The following DUSP16 variants were observed in gnomAD, a reference collection of about 807,000 sequenced individuals.
DUSP16 encodes dual specificity protein phosphatase 16.
DUSP16 carries 21 observed loss-of-function variants against 58.3 expected under a neutral mutation model. The ratio of observed to expected loss-of-function variants is 0.36; its 90% CI spans 0.26 to 0.52. DUSP16 has a LOEUF of 0.52. Among genes scored for constraint, DUSP16 ranks in the 20% least tolerant of loss-of-function variants. The probability of loss-of-function intolerance (pLI) is 0.94; values close to 1 mark genes in which losing one functional copy is unlikely to be tolerated. For missense variants in DUSP16, 726 were observed against 819.0 expected (o/e 0.89, Z 1.39); for synonymous variants, 320 against 323.8 (o/e 0.99, Z 0.12).
At position 12,502,342 on chromosome 12, in the gene DUSP16, T is replaced by C. The variant is rs1244905878; in HGVS notation, c.368-1660A>G. On this transcript the variant is annotated intron_variant, in intron 3 of 6. Transcript: ENST00000298573. ...GTAGGCAGTTGACAACTATGCCACC[T>C]GCAGAATGTAAAAAGAGTGGCCTGG... Among the ~76,000 whole-genome samples the C allele has an allele frequency of 2.0e-5, 3 of 152,222 alleles. 1 individual carries two copies.
At chr12:12,544,746 T>A (rs993222771) in intron 1 of DUSP16, among the ~76,000 whole-genome samples, 1 of 151,914 alleles carries the variant, frequency 6.6e-6, no homozygotes, top group Admixed American at 6.6e-5. Context: ...GAAGCTTTAG[T>A]TTTTTTTAAC....
chr12:12,483,233 A>G, intron 5 of DUSP16, among the ~76,000 whole-genome samples: 1 of 152,178 alleles, frequency 6.6e-6, no homozygotes, highest in East Asian at 1.9e-4. Context: ...TAATACTAAG[A>G]GGTGTTACAG....
chr12:12,523,736 T>G (rs765838827), intron 1 of DUSP16, among the ~76,000 whole-genome samples: 3 of 152,226 alleles, frequency 2.0e-5, no homozygotes, highest in African/African-American at 4.8e-5. Context: ...AGGTTCTGCC[T>G]GCTCAGTGAC....
At chr12:12,518,976 G>A (rs887952949) in intron 3 of DUSP16, among the ~76,000 whole-genome samples, 1 of 152,206 alleles carries the variant, frequency 6.6e-6, no homozygotes, top group Non-Finnish European at 1.5e-5. Flanking sequence ...TAATCTTAAT[G>A]TTTTGTTTTT....
At position 12,476,911 on chromosome 12, in the gene DUSP16, G is replaced by A; in HGVS notation, c.1920C>T (p.Asn640=). ...MEFGESIMSE[N]RSREELGKVG... is the part of the protein sequence containing the mutation. ...CTTTCCCCAGCTCTTCCCGTGACCT[G>A]TTCTCTGACATGATGCTCTCTCCAA... Residue 640 remains asparagine (N), a synonymous_variant, in exon 7 of 7, where the codon AAC becomes AAT. Coordinates refer to ENST00000298573, the MANE Select transcript of DUSP16 (RefSeq NM_030640.3). 1 of 1,613,922 alleles carries A rather than the reference G, an allele frequency of 6.2e-7. No homozygotes were observed. The highest frequency in any genetic ancestry group is 8.5e-7 in the Non-Finnish European group (1 of 1,180,042).
chr12:12,504,691 T>TAAAA lies in DUSP16; in HGVS notation c.368-4013_368-4010dup, dbSNP rs57833371. Among the ~76,000 whole-genome samples the TAAAA allele has an allele frequency of 7.6e-5, 9 of 119,122 alleles. No individual in the cohort carries two copies. In the Admixed American group the frequency reaches 8.2e-4, roughly 11 times the overall value. 78.1% of individuals were successfully genotyped at this position (119,122 alleles called of 152,430 possible). A position where few individuals can be genotyped will look rare whatever the true frequency, so the allele number is the denominator to read the frequency against. ...CAACATGGATAAACCCAATCTCTGT[T>TAAAA]AAAAAAAAAAAAAAAAAAAAAGAAA... is the stretch of plus-strand genomic sequence containing the variant. On this transcript the variant is annotated intron_variant, in intron 3 of 6. Transcript: ENST00000298573.
At chr12:12,530,326 G>A (rs979887540) in intron 1 of DUSP16, among the ~76,000 whole-genome samples, 2 of 152,124 alleles carry the variant, frequency 1.3e-5, no homozygotes, top group African/African-American at 4.8e-5. Flanking sequence ...AAAATGTCAG[G>A]TCTTTCACCC....
intron 1 of DUSP16, among the ~76,000 whole-genome samples, chr12:12,554,219 A>AAAG (rs1944775868): frequency 6.8e-6 from 1 of 147,170 alleles, no homozygotes; most frequent in Non-Finnish European, 1.5e-5. Context: ...AAAAAAAAAA[A>AAAG]GCCAAGTGCA....
chr12:12,488,255 T>C (rs1943712544), intron 4 of DUSP16, among the ~76,000 whole-genome samples: 1 of 118,818 alleles, frequency 8.4e-6, no homozygotes, highest in Admixed American at 8.7e-5. Flanking sequence ...TTCCCACTTT[T>C]CCTACTTTAA....
chr12:12,517,903 C>A (rs116531962), intron 3 of DUSP16, among the ~76,000 whole-genome samples: 1 of 152,218 alleles, frequency 6.6e-6, no homozygotes, highest in Non-Finnish European at 1.5e-5. Flanking sequence ...TGTCACACCA[C>A]GTGTCCCTAG....
intron 1 of DUSP16, among the ~76,000 whole-genome samples, chr12:12,552,530 T>G (rs1176655221): frequency 6.6e-6 from 1 of 152,208 alleles, no homozygotes; most frequent in Non-Finnish European, 1.5e-5. Flanking sequence ...GAAAAGACTA[T>G]GAAAATACCC....
intron 1 of DUSP16, among the ~76,000 whole-genome samples, chr12:12,525,142 T>C (rs1011104216): frequency 6.6e-6 from 1 of 152,256 alleles, no homozygotes; most frequent in African/African-American, 2.4e-5. Context: ...GTCTTGCATC[T>C]TGCTTTTTCT....
intron 1 of DUSP16, among the ~76,000 whole-genome samples, chr12:12,536,086 G>A (rs1944458152): frequency 6.6e-6 from 1 of 152,202 alleles, no homozygotes; most frequent in Admixed American, 6.5e-5. Flanking sequence ...TAGATTTAAG[G>A]AGACTGACTG....
rs761079204 is a variant in DUSP16 at position 12,477,763 on chromosome 12, A to G, written c.1068T>C (p.His356=). The change falls in exon 7 of 7, where the codon CAT becomes CAC. Residue 356 remains histidine (H), a synonymous_variant. Transcript: ENST00000298573. This position sits in a 1 kb window ranked among gnomAD's most constrained non-coding sequence, Gnocchi z 4.1. ...TGGGCACGCTGGGCACGCTGGCGGG[A>G]TGCACGGGCCTTTGTCCTGCTGCCT... ...TSEAAGQRPV[H]PASVPSVPSV... 2 of 1,612,986 alleles carry G rather than the reference A, an allele frequency of 1.2e-6. No homozygotes were observed. The highest frequency in any genetic ancestry group is 1.7e-6 in the Non-Finnish European group (2 of 1,179,760).
chr12:12,519,009 A>C (rs1442690217), intron 3 of DUSP16, among the ~76,000 whole-genome samples: 2 of 152,106 alleles, frequency 1.3e-5, no homozygotes, highest in African/African-American at 4.8e-5. Flanking sequence ...GTTTAAAAGC[A>C]CTCTTGCCTA....
At chr12:12,511,984 T>C (rs1443010833) in intron 3 of DUSP16, among the ~76,000 whole-genome samples, 1 of 152,210 alleles carries the variant, frequency 6.6e-6, no homozygotes, top group Non-Finnish European at 1.5e-5. Flanking sequence ...CAAAGGACTA[T>C]CTTTAAGCTT....
chr12:12,550,797 G>A (rs1400629752), intron 1 of DUSP16, among the ~76,000 whole-genome samples: 2 of 152,014 alleles, frequency 1.3e-5, no homozygotes, highest in South Asian at 2.1e-4. Context: ...TGTAGATGAC[G>A]GGCTGATGGG....
intron 1 of DUSP16, chr12:12,554,745 G>T (rs1375131879): frequency 6.6e-6 from 1 of 151,622 alleles, no homozygotes. Flanking sequence ...AAACATTATG[G>T]TTGTAACTAT....
At chr12:12,543,405 A>G (rs1166759918) in intron 1 of DUSP16, among the ~76,000 whole-genome samples, 4 of 152,226 alleles carry the variant, frequency 2.6e-5, no homozygotes, top group Non-Finnish European at 5.9e-5. Flanking sequence ...AACTGGTAAT[A>G]GTAGATGCTG....
Sources: allele counts gnomAD v4.1 joint callset (sites outside exome capture counted in the v4.1 genomes callset), GRCh38; gene constraint gnomAD v4.1.1; non-coding constraint Gnocchi (gnomAD v3.1); transcripts MANE v1.5; gene names NCBI Gene and HGNC (gene_info 2026-07-23, HGNC 2026-07-21).